The following DLC1 variants were observed in gnomAD, a reference collection of about 807,000 sequenced individuals.
The protein encoded by DLC1 is DLC1 Rho GTPase activating protein.
Under a neutral mutation model 140.3 loss-of-function variants are expected in DLC1, and 54 were observed. That is an observed-to-expected ratio of 0.38 (90% CI 0.31 to 0.48). DLC1 has a LOEUF of 0.48. DLC1 is among the 20% of genes least tolerant of loss of function. The pLI is 0.96. For synonymous variants in DLC1, 986 were observed against 728.1 expected (o/e 1.35, Z -5.70); for missense variants, 2,536 against 1,907.0 (o/e 1.33, Z -6.14).
intron 4 of DLC1, among the ~76,000 whole-genome samples, chr8:13,359,636 A>C (rs183232119): frequency 1.3e-5 from 2 of 152,312 alleles, no homozygotes; most frequent in Admixed American, 1.3e-4. Context: ...TAGTTTCATG[A>C]CATCCAAGAA....
At chr8:13,281,343 A>G (rs1468073079) in intron 5 of DLC1, among the ~76,000 whole-genome samples, 1 of 152,186 alleles carries the variant, frequency 6.6e-6, no homozygotes, top group African/African-American at 2.4e-5. Flanking sequence ...TTGCACTATT[A>G]GGTGTATATT....
chr8:13,514,590 A>G lies in DLC1; in HGVS notation c.-126+12T>C. 2 of 398,560 alleles carry G rather than the reference A, an allele frequency of 5.0e-6. No homozygotes were observed. The highest frequency in any genetic ancestry group is 8.8e-6 in the Non-Finnish European group (2 of 226,026). 24.7% of individuals were successfully genotyped at this position (398,560 alleles called of 1,614,324 possible). A position where few individuals can be genotyped will look rare whatever the true frequency, so the allele number is the denominator to read the frequency against. Reference sequence around the variant, plus strand: ...CCGCCTCAAAGCATAAAGATAGTCCATAGCGTCTTACCTAGACAACGAGGA... The same window carrying G: ...CCGCCTCAAAGCATAAAGATAGTCCGTAGCGTCTTACCTAGACAACGAGGA... On this transcript the variant is annotated intron_variant, in intron 1 of 17. Coordinates refer to ENST00000276297, the MANE Select transcript of DLC1 (RefSeq NM_182643.3).
chr8:13,278,019 A>C lies in DLC1; in HGVS notation c.1348+27250T>G, dbSNP rs1192234183. On this transcript the variant is annotated intron_variant, in intron 5 of 17. Coordinates refer to ENST00000276297, the MANE Select transcript of DLC1 (RefSeq NM_182643.3). ...GAGATTGTGCTCATGAATTATAACT[A>C]ACATTAGTACCAATGCTTATTAATA... Among the ~76,000 whole-genome samples the C allele has an allele frequency of 2.6e-5, 4 of 152,248 alleles. No individual in the cohort carries two copies. The East Asian group carries it at 7.7e-4, about 29-fold the overall frequency.
chr8:13,568,547 C>G (rs1485913671), intron 1 of DLC1, among the ~76,000 whole-genome samples: 3 of 151,550 alleles, frequency 2.0e-5, no homozygotes, highest in Non-Finnish European at 4.4e-5. Context: ...TGGCATATAG[C>G]TGGAAGTTGA....
intron 2 of DLC1, among the ~76,000 whole-genome samples, chr8:13,477,167 A>G (rs1800469292): frequency 6.6e-6 from 1 of 151,964 alleles, no homozygotes; most frequent in Non-Finnish European, 1.5e-5. Flanking sequence ...AAGAGCATGT[A>G]GTAACCCCAA....
intron 4 of DLC1, among the ~76,000 whole-genome samples, chr8:13,392,324 A>G (rs1429225429): frequency 1.3e-5 from 2 of 152,228 alleles, no homozygotes; most frequent in African/African-American, 4.8e-5. Flanking sequence ...AGCCTAGTGC[A>G]TGGCATATAG....
At chr8:13,397,483 G>T (rs1292795093) in intron 3 of DLC1, among the ~76,000 whole-genome samples, 5 of 152,074 alleles carry the variant, frequency 3.3e-5, no homozygotes, top group African/African-American at 1.2e-4. Context: ...TACTGAATTT[G>T]TCAGACAAGA....
intron 7 of DLC1, among the ~76,000 whole-genome samples, chr8:13,108,649 G>T (rs1047334201): frequency 6.6e-6 from 1 of 152,136 alleles, no homozygotes; most frequent in Non-Finnish European, 1.5e-5. Flanking sequence ...TATGACCCAA[G>T]AATTCCTAAG....
At chr8:13,533,893 GCATCTCCTTCT>G (rs963915713) in intron 1 of DLC1, among the ~76,000 whole-genome samples, 2 of 152,110 alleles carry the variant, frequency 1.3e-5, no homozygotes, top group Non-Finnish European at 2.9e-5. Context: ...GAAGGTACTT[GCATCTCCTTCT>G]CATTCCACCG....
intron 5 of DLC1, among the ~76,000 whole-genome samples, chr8:13,164,641 C>A (rs1488236001): frequency 1.3e-5 from 2 of 152,086 alleles, no homozygotes; most frequent in African/African-American, 4.8e-5. Flanking sequence ...AAAAACTTCA[C>A]CCCTCTGGAG....
intron 2 of DLC1, among the ~76,000 whole-genome samples, chr8:13,414,674 T>C (rs1837961726): frequency 6.6e-6 from 1 of 152,188 alleles, no homozygotes; most frequent in Admixed American, 6.5e-5. Flanking sequence ...ACTTCGTAAG[T>C]GAGCACATAA....
chr8:13,401,670 A>C, intron 2 of DLC1, 51 bp from the exon 3 acceptor site: 2 of 1,576,558 alleles, frequency 1.3e-6, no homozygotes, highest in Non-Finnish European at 1.7e-6. Context: ...TTTCTTAATA[A>C]GAATAAAAAG....
intron 5 of DLC1, among the ~76,000 whole-genome samples, chr8:13,128,281 C>T (rs976661838): frequency 6.6e-6 from 1 of 152,262 alleles, no homozygotes; most frequent in African/African-American, 2.4e-5. Context: ...AACATTATTT[C>T]GTACAGTCAA....
intron 4 of DLC1, among the ~76,000 whole-genome samples, chr8:13,310,640 C>T (rs1022585050): frequency 9.2e-5 from 14 of 152,172 alleles, no homozygotes; most frequent in African/African-American, 2.7e-4. Flanking sequence ...TTCATCTCTT[C>T]TTCATTTAAA....
At chr8:13,304,481 C>T (rs1038300836) in intron 5 of DLC1, 3 of 200,610 alleles carry the variant, frequency 1.5e-5, no homozygotes, top group Admixed American at 6.5e-5. Flanking sequence ...CAAACACCCC[C>T]GCCAGACAAA....
intron 1 of DLC1, among the ~76,000 whole-genome samples, chr8:13,576,728 G>T (rs1804850120): frequency 6.6e-6 from 1 of 152,146 alleles, no homozygotes; most frequent in Non-Finnish European, 1.5e-5. Context: ...TCTCCCCAGA[G>T]TAGGGTATGA....
At chr8:13,193,802 C>T (rs1445780970) in intron 5 of DLC1, among the ~76,000 whole-genome samples, 2 of 152,140 alleles carry the variant, frequency 1.3e-5, no homozygotes, top group Non-Finnish European at 2.9e-5. Flanking sequence ...ATAGCCCTCT[C>T]TGGGAGGTGG....
chr8:13,173,955 C>T (rs1825629048), intron 5 of DLC1, among the ~76,000 whole-genome samples: 1 of 152,120 alleles, frequency 6.6e-6, no homozygotes, highest in Non-Finnish European at 1.5e-5. Flanking sequence ...TGAACGATCT[C>T]ATCACCCAGG....
chr8:13,581,757 AC>A (rs1386812477), intron 1 of DLC1, among the ~76,000 whole-genome samples: 1 of 151,756 alleles, frequency 6.6e-6, no homozygotes, highest in Non-Finnish European at 1.5e-5. Flanking sequence ...ATAACACCCA[AC>A]CTCTTTATCA....
Sources: gnomAD v4.1 joint callset for allele counts (sites outside exome capture counted in the v4.1 genomes callset) on GRCh38, gnomAD v4.1.1 for gene constraint, MANE v1.5 for transcripts, NCBI Gene and HGNC (gene_info 2026-07-23, HGNC 2026-07-21) for gene names.